Variants in ATP10B observed in about 807,000 individuals in gnomAD.
ATP10B encodes the protein phospholipid-transporting ATPase VB.
Under a neutral mutation model 141.2 loss-of-function variants are expected in ATP10B, and 122 were observed. That is an observed-to-expected ratio of 0.86 (90% CI 0.75 to 1.00). The LOEUF is 1.00. ATP10B is among the 50% of genes least tolerant of loss of function. The probability of loss-of-function intolerance (pLI) is 0.00; values close to 1 mark genes in which losing one functional copy is unlikely to be tolerated. For missense variants in ATP10B, 1,876 were observed against 1,825.3 expected (o/e 1.03, Z -0.51); for synonymous variants, 685 against 692.0 (o/e 0.99, Z 0.16).
rs1763651273 is a variant in ATP10B at position 160,684,851 on chromosome 5, A to T, written c.470+1228T>A. 3.0e-5 allele frequency: 21 copies of T among 698,270 alleles called. No homozygotes were observed. In the East Asian group the frequency reaches 5.6e-4, roughly 19 times the overall value. 43.3% of individuals were successfully genotyped at this position (698,270 alleles called of 1,614,324 possible). A position where few individuals can be genotyped will look rare whatever the true frequency, so the allele number is the denominator to read the frequency against. On this transcript the variant is annotated intron_variant, in intron 6 of 25. Coordinates refer to ENST00000327245, the MANE Select transcript of ATP10B (RefSeq NM_025153.3). Reference sequence around the variant, plus strand: ...TTGCTTTACCTGCTGTAGATGAGGCACTCTCGGTTATTGATGACTTTATCC... The same window carrying T: ...TTGCTTTACCTGCTGTAGATGAGGCTCTCTCGGTTATTGATGACTTTATCC...
intron 1 of ATP10B, among the ~76,000 whole-genome samples, chr5:160,843,456 CAA>C (rs1314801831): frequency 6.7e-6 from 1 of 150,260 alleles, no homozygotes; most frequent in Non-Finnish European, 1.5e-5. Flanking sequence ...TAGATGTCAA[CAA>C]AGAGGAGTAT....
At chr5:160,861,016 T>C in the ATP10B span, among the ~76,000 whole-genome samples, 3 of 151,964 alleles carry the variant, frequency 2.0e-5, no homozygotes, top group African/African-American at 7.2e-5. Context: ...TTTTAACTTC[T>C]ATCTTAAAAG....
intron 20 of ATP10B, chr5:160,603,500 C>T (rs564795445): frequency 1.1e-5 from 2 of 178,212 alleles, no homozygotes; most frequent in South Asian, 1.4e-4. Flanking sequence ...TAGCCCAATA[C>T]AATTCTTCTT....
chr5:160,836,145 G>A (rs959442905), intron 1 of ATP10B, among the ~76,000 whole-genome samples: 4 of 151,964 alleles, frequency 2.6e-5, no homozygotes, highest in African/African-American at 9.7e-5. Context: ...TATTTAATGA[G>A]TACAATGTAT....
the ATP10B span, among the ~76,000 whole-genome samples, chr5:160,865,389 G>T: frequency 2.0e-5 from 3 of 151,940 alleles, no homozygotes; most frequent in African/African-American, 7.2e-5. Flanking sequence ...GAATAAAACT[G>T]GATCCTTATC....
In ATP10B at chr5:160,606,965, G is replaced by A; in HGVS notation, c.2960C>T (p.Ser987Leu). ...TCCAGCTTCTGGAACCACAGCTTCT[G>A]AGGTGATGGATGGTGTCTTGGAAGG... ...RLPSKTPSIT[S>L]EAVVPEAGLV... The change falls in exon 19 of 26, where the codon TCA (serine) becomes TTA (leucine). Residue 987 changes from serine (S) to leucine (L), a missense_variant. Coordinates refer to ENST00000327245, the MANE Select transcript of ATP10B (RefSeq NM_025153.3). 1 of 1,614,188 alleles carries A rather than the reference G, an allele frequency of 6.2e-7. No individual in the cohort carries two copies. Among genetic ancestry groups the A allele is most frequent in the Non-Finnish European group, 8.5e-7 (1 of 1,180,026 alleles).
the ATP10B span, among the ~76,000 whole-genome samples, chr5:160,904,804 A>T: frequency 6.6e-6 from 1 of 152,146 alleles, no homozygotes; most frequent in Non-Finnish European, 1.5e-5. Flanking sequence ...TGGAGACCTT[A>T]TGCTTCCCAT....
At chr5:160,678,949 C>G (rs553953810) in intron 6 of ATP10B, among the ~76,000 whole-genome samples, 1 of 152,296 alleles carries the variant, frequency 6.6e-6, no homozygotes, top group East Asian at 1.9e-4. Context: ...AAGTTTATTT[C>G]TATAGCTTCA....
At chr5:160,877,294 T>C in the ATP10B span, among the ~76,000 whole-genome samples, 39 of 146,112 alleles carry the variant, frequency 2.7e-4, no homozygotes, top group Admixed American at 2.1e-3. Context: ...CACATGATTA[T>C]CTCAATAGAT....
rs1026537237 is a variant in ATP10B at position 160,816,698 on chromosome 5, A to G, written c.-575-30895T>C. 3.9e-5 allele frequency among the ~76,000 whole-genome samples: 6 copies of G among 152,176 alleles called. No individual in the cohort carries two copies. In the South Asian group the frequency reaches 6.2e-4, roughly 16 times the overall value. On this transcript the variant is annotated intron_variant, in intron 1 of 25. Transcript: ENST00000327245. Reference sequence around the variant, plus strand: ...ACCAAAGCCGGACAGAGACACAAGAAAAAAAGAGAATTTTAGACCAACATC... The same window carrying G: ...ACCAAAGCCGGACAGAGACACAAGAGAAAAAGAGAATTTTAGACCAACATC...
At chr5:160,568,556 A>G (rs557394633) in intron 25 of ATP10B, among the ~76,000 whole-genome samples, 98 of 152,316 alleles carry the variant, frequency 6.4e-4, no homozygotes, top group African/African-American at 2.3e-3. Flanking sequence ...ATCATCATCA[A>G]GTTCACTGCT....
intron 3 of ATP10B, among the ~76,000 whole-genome samples, chr5:160,695,661 A>G (rs1764317807): frequency 6.6e-6 from 1 of 152,216 alleles, no homozygotes; most frequent in African/African-American, 2.4e-5. Flanking sequence ...AGTCTTTACT[A>G]GAGAATTATT....
At chr5:160,889,462 C>T in the ATP10B span, among the ~76,000 whole-genome samples, 1 of 152,194 alleles carries the variant, frequency 6.6e-6, no homozygotes, top group African/African-American at 2.4e-5. Flanking sequence ...AAGAACTGAT[C>T]AGCTGACTGT....
At chr5:160,813,267 A>T (rs948969500) in intron 1 of ATP10B, among the ~76,000 whole-genome samples, 1 of 152,200 alleles carries the variant, frequency 6.6e-6, no homozygotes, top group East Asian at 1.9e-4. Flanking sequence ...CACCTGGAAA[A>T]TCGGGTCACT....
At chr5:160,639,806 TATA>T (rs1166991220) in intron 10 of ATP10B, among the ~76,000 whole-genome samples, 1 of 152,226 alleles carries the variant, frequency 6.6e-6, no homozygotes, top group Admixed American at 6.5e-5. Context: ...CATTGTAATA[TATA>T]ATAAAATAAT....
intron 1 of ATP10B, among the ~76,000 whole-genome samples, chr5:160,831,778 C>A (rs1294699860): frequency 6.6e-6 from 1 of 152,026 alleles, no homozygotes; most frequent in African/African-American, 2.4e-5. Flanking sequence ...TTAAAAAGAA[C>A]AAAATTGTTT....
chr5:160,588,645 G>A (rs1756071272), intron 24 of ATP10B, among the ~76,000 whole-genome samples: 3 of 152,130 alleles, frequency 2.0e-5, no homozygotes, highest in Admixed American at 2.0e-4. Flanking sequence ...ACTGCTTGGG[G>A]GCAAGTTAAA....
the ATP10B span, among the ~76,000 whole-genome samples, chr5:160,882,150 A>T: frequency 6.6e-6 from 1 of 152,176 alleles, no homozygotes; most frequent in African/African-American, 2.4e-5. Context: ...AGGACAGTGA[A>T]AATGTTTTTT....
chr5:160,760,869 G>A (rs930354551), intron 2 of ATP10B, among the ~76,000 whole-genome samples: 6 of 151,360 alleles, frequency 4.0e-5, no homozygotes, highest in African/African-American at 1.5e-4. Flanking sequence ...AGTAGGCCCT[G>A]CCCAAGGAGA....
Sources: gnomAD v4.1 joint callset for allele counts (sites outside exome capture counted in the v4.1 genomes callset) on GRCh38, gnomAD v4.1.1 for gene constraint, MANE v1.5 for transcripts, NCBI Gene and HGNC (gene_info 2026-07-23, HGNC 2026-07-21) for gene names.